Variants in VEPH1 observed in about 807,000 individuals in gnomAD.
VEPH1 encodes the protein ventricular zone-expressed PH domain-containing protein homolog 1.
VEPH1 carries 80 observed loss-of-function variants against 85.2 expected under a neutral mutation model. That is an observed-to-expected ratio of 0.94 (90% CI 0.78 to 1.13). The LOEUF is 1.13. Ranked by LOEUF, VEPH1 falls within the 50% of genes most tolerant of loss-of-function variation. The probability of loss-of-function intolerance (pLI) is 0.00; values close to 1 mark genes in which losing one functional copy is unlikely to be tolerated. For synonymous variants in VEPH1, 297 were observed against 348.0 expected, an observed-to-expected ratio of 0.85 and a Z score of 1.63; for missense variants, 955 against 980.5, an observed-to-expected ratio of 0.97 and a Z score of 0.35.
intron 3 of VEPH1, among the ~76,000 whole-genome samples, chr3:157,464,591 T>C (rs951673103): frequency 5.3e-5 from 8 of 152,174 alleles, no homozygotes; most frequent in Non-Finnish European, 1.2e-4. Flanking sequence ...TGGGGACAAT[T>C]TAGCTGTAGA....
In VEPH1 at chr3:157,261,136, A is replaced by G; in HGVS notation, c.2500T>C (p.Ter834GlnextTer7). The G allele has an allele frequency of 1.9e-6, 3 of 1,613,432 alleles. No homozygotes were observed. The highest frequency in any genetic ancestry group is 2.5e-6 in the Non-Finnish European group (3 of 1,179,640). Reference protein sequence around the residue: ...RESREVTTYL* With the variant: ...RESREVTTYLQ The stretch of plus-strand genomic sequence containing the variant: ...TGTCATGGCTGACTTATAAATCCCT[A>G]CAGATATGTGGTTACTTCTCTACTT... The change falls in exon 14 of 14, where the codon TAG becomes CAG. Residue 834 changes from the stop codon to glutamine, a stop_lost. Transcript: ENST00000362010.
intron 4 of VEPH1, among the ~76,000 whole-genome samples, chr3:157,454,730 A>G (rs1735227562): frequency 6.6e-6 from 1 of 152,138 alleles, no homozygotes; most frequent in African/African-American, 2.4e-5. Context: ...GTACCCAATA[A>G]GTAGTTTTTC....
chr3:157,281,244 G>A (rs1716076229), intron 12 of VEPH1, among the ~76,000 whole-genome samples: 1 of 152,094 alleles, frequency 6.6e-6, no homozygotes, highest in Non-Finnish European at 1.5e-5. Context: ...GGGAAAGGGA[G>A]AAAAGGAAGA....
chr3:157,342,134 C>A (rs1723638316), intron 9 of VEPH1, among the ~76,000 whole-genome samples: 1 of 152,138 alleles, frequency 6.6e-6, no homozygotes, highest in Non-Finnish European at 1.5e-5. Context: ...GCAAAATAAC[C>A]AGCTAACATC....
At chr3:157,480,134 T>C (rs528513410) in intron 2 of VEPH1, among the ~76,000 whole-genome samples, 1 of 151,132 alleles carries the variant, frequency 6.6e-6, no homozygotes, top group South Asian at 2.1e-4. Context: ...GCATTTCCAG[T>C]GTTCTTCATT....
chr3:157,306,106 A>G (rs1434591386), intron 11 of VEPH1, among the ~76,000 whole-genome samples: 2 of 152,190 alleles, frequency 1.3e-5, no homozygotes, highest in Non-Finnish European at 2.9e-5. Context: ...GCATCTACAA[A>G]AGACACTTTA....
intron 11 of VEPH1, among the ~76,000 whole-genome samples, chr3:157,288,581 GT>G (rs1023639651): frequency 6.6e-6 from 1 of 151,990 alleles, no homozygotes; most frequent in African/African-American, 2.4e-5. Flanking sequence ...CCAGCACAAA[GT>G]TTTTTACTAA....
chr3:157,268,392 A>G (rs934958099), intron 12 of VEPH1, among the ~76,000 whole-genome samples: 2 of 152,220 alleles, frequency 1.3e-5, no homozygotes, highest in East Asian at 3.9e-4. Context: ...GTGATCCAAG[A>G]GGAGAAAAAA....
At chr3:157,334,811 G>A (rs1722813137) in intron 9 of VEPH1, among the ~76,000 whole-genome samples, 1 of 152,208 alleles carries the variant, frequency 6.6e-6, no homozygotes, top group Non-Finnish European at 1.5e-5. Flanking sequence ...GGCACCTAGA[G>A]GAGCAAGAGT....
At chr3:157,425,217 G>A (rs1347179019) in intron 5 of VEPH1, among the ~76,000 whole-genome samples, 3 of 151,966 alleles carry the variant, frequency 2.0e-5, no homozygotes, top group East Asian at 3.9e-4. Context: ...CAAAAGTCAA[G>A]AATTGAGGTT....
intron 11 of VEPH1, among the ~76,000 whole-genome samples, chr3:157,288,900 C>A (rs1016929267): frequency 9.2e-5 from 14 of 152,066 alleles, no homozygotes; most frequent in Non-Finnish European, 1.5e-4. Flanking sequence ...GGGTTGCTAA[C>A]CTTTAATACC....
At chr3:157,484,033 C>T (rs1348931227) in intron 2 of VEPH1, among the ~76,000 whole-genome samples, 1 of 152,046 alleles carries the variant, frequency 6.6e-6, no homozygotes, top group African/African-American at 2.4e-5. Flanking sequence ...TATATCTAGA[C>T]ATGTAATAGT....
chr3:157,472,519 T>G (rs1022926668), intron 2 of VEPH1, among the ~76,000 whole-genome samples: 9 of 152,212 alleles, frequency 5.9e-5, no homozygotes, highest in African/African-American at 1.9e-4. Flanking sequence ...TCAGAATTTT[T>G]TTTTAACTTT....
intron 7 of VEPH1, among the ~76,000 whole-genome samples, chr3:157,366,955 G>A (rs1450134053): frequency 2.6e-5 from 4 of 152,138 alleles, no homozygotes; most frequent in African/African-American, 9.7e-5. Flanking sequence ...CAGTCCTGGC[G>A]TTGAGGGAGG....
intron 6 of VEPH1, among the ~76,000 whole-genome samples, chr3:157,411,088 C>T (rs1263230417): frequency 2.6e-5 from 4 of 152,136 alleles, no homozygotes; most frequent in Non-Finnish European, 4.4e-5. Context: ...TCTCCCCTTC[C>T]CCCTTCCTGC....
chr3:157,468,762 T>C (rs1736631428), intron 3 of VEPH1, among the ~76,000 whole-genome samples: 1 of 152,190 alleles, frequency 6.6e-6, no homozygotes. Context: ...TTTTCCTTTT[T>C]AATTTTTTAA....
intron 6 of VEPH1, among the ~76,000 whole-genome samples, chr3:157,406,079 C>T (rs1183798292): frequency 6.6e-6 from 1 of 152,072 alleles, no homozygotes. Flanking sequence ...AACATGTACC[C>T]TTTTTAACAA....
At chr3:157,493,694 C>T (rs762467718) in intron 2 of VEPH1, among the ~76,000 whole-genome samples, 1 of 152,138 alleles carries the variant, frequency 6.6e-6, no homozygotes, top group Non-Finnish European at 1.5e-5. Flanking sequence ...GACAAGGGAC[C>T]TGCCAGCCTT....
chr3:157,331,423 C>G (rs1722493494), intron 9 of VEPH1, among the ~76,000 whole-genome samples: 1 of 152,186 alleles, frequency 6.6e-6, no homozygotes. Flanking sequence ...CTATGATATT[C>G]TTTACTTCTT....
Sources: allele counts gnomAD v4.1 joint callset (sites outside exome capture counted in the v4.1 genomes callset), GRCh38; gene constraint gnomAD v4.1.1; transcripts MANE v1.5; gene names NCBI Gene and HGNC (gene_info 2026-07-23, HGNC 2026-07-21).